NCAPD3: variants seen among roughly 807,000 people sequenced by gnomAD.
The protein encoded by NCAPD3 is condensin-2 complex subunit D3.
A neutral mutation model predicts 182.9 loss-of-function variants in NCAPD3; 105 were observed. The observed-to-expected ratio is 0.57, with a 90% CI of 0.49 to 0.68. The LOEUF (loss-of-function observed/expected upper bound fraction) is 0.68. NCAPD3 is among the 30% of genes least tolerant of loss of function. NCAPD3 has a pLI of 0.00. For missense variants in NCAPD3, 1,944 were observed against 1,837.0 expected (o/e 1.06, Z -1.07); for synonymous variants, 815 against 679.9 (o/e 1.20, Z -3.09).
intron 8 of NCAPD3, among the ~76,000 whole-genome samples, chr11:134,205,724 T>C (rs1009028022): frequency 6.6e-6 from 1 of 152,224 alleles, no homozygotes; most frequent in Non-Finnish European, 1.5e-5. Flanking sequence ...TTTTTAGTGA[T>C]GTTTATCTGT....
intron 13 of NCAPD3, among the ~76,000 whole-genome samples, chr11:134,197,760 C>T (rs1208699244): frequency 1.3e-5 from 2 of 152,156 alleles, no homozygotes; most frequent in Non-Finnish European, 2.9e-5. Context: ...TAAATTACAG[C>T]ATGGTAACAG....
intron 16 of NCAPD3, among the ~76,000 whole-genome samples, chr11:134,191,257 ATTTT>A (rs1233238861): frequency 6.6e-6 from 1 of 152,236 alleles, no homozygotes; most frequent in Non-Finnish European, 1.5e-5. Context: ...ATAAGACAAA[ATTTT>A]AAGCAACACT....
chr11:134,184,091 C>A (rs990655175), intron 19 of NCAPD3, among the ~76,000 whole-genome samples: 2 of 152,168 alleles, frequency 1.3e-5, no homozygotes, highest in Non-Finnish European at 2.9e-5. Flanking sequence ...TACCTCTCTG[C>A]CTCCCATAAA....
Position 134,172,680 on chromosome 11 carries a change from G to A in NCAPD3, c.3102-3626C>T, listed in dbSNP as rs143972935. ...TGTGATTACAAGGCCACCACCTATC[G>A]GGCAGACAGGAAGACAGATCATAGA... On this transcript the variant is annotated intron_variant, in intron 24 of 34. Transcript: ENST00000534548. Among the ~76,000 whole-genome samples, 1,009 of 152,150 alleles carry A rather than the reference G, an allele frequency of 6.6e-3. 3 individuals are homozygous for A. Among genetic ancestry groups the A allele is most frequent in the Non-Finnish European group, 8.9e-3 (603 of 67,992 alleles).
rs770672881 is a variant in NCAPD3, at chr11:134,204,217, G to A, written c.1090-46C>T. On this transcript the variant is annotated intron_variant, in intron 9 of 34. Transcript: ENST00000534548. This position sits in a 1 kb window ranked among gnomAD's most constrained non-coding sequence, Gnocchi z 4.3. ...TTGACCAACCAATATCCACCCGCAG[G>A]ATGGCTGAAACATATTCTGTAATAT... 4 of 1,600,642 alleles carry A rather than the reference G, an allele frequency of 2.5e-6. No homozygotes were observed. Among genetic ancestry groups the A allele is most frequent in the Non-Finnish European group, 3.4e-6 (4 of 1,172,238 alleles).
chr11:134,179,079 G>A lies in NCAPD3; in HGVS notation c.2560-143C>T, dbSNP rs552315492. On this transcript the variant is annotated intron_variant, in intron 20 of 34. Coordinates refer to ENST00000534548, the MANE Select transcript of NCAPD3 (RefSeq NM_015261.3). ...TAGTTTTCGTTTCATAAAAATACAT[G>A]GCTATTGTAAAAACTTAGTCACTAT... 423 of 615,288 alleles carry A rather than the reference G, an allele frequency of 6.9e-4. 1 individual carries two copies. Among genetic ancestry groups the A allele is most frequent in the Non-Finnish European group, 9.7e-4 (342 of 351,120 alleles). 38.1% of individuals were successfully genotyped at this position (615,288 alleles called of 1,614,324 possible).
At position 134,160,092 on chromosome 11, in the gene NCAPD3, G is replaced by A. The variant is rs1288676617; in HGVS notation, c.3685-18C>T. 1 of 1,610,914 alleles carries A rather than the reference G, an allele frequency of 6.2e-7. No individual in the cohort carries two copies. The highest frequency in any genetic ancestry group is 8.5e-7 in the Non-Finnish European group (1 of 1,178,288). On this transcript the variant is annotated intron_variant, in intron 28 of 34. Transcript: ENST00000534548. ...ATCACCTCCTGAAACAGAGCCAGGA[G>A]CATCCTTTCATGTTTTCTTGAATAA... is the stretch of plus-strand genomic sequence containing the variant.
chr11:134,195,573 A>T (rs543490515), intron 13 of NCAPD3, among the ~76,000 whole-genome samples: 1 of 152,310 alleles, frequency 6.6e-6, no homozygotes, highest in East Asian at 1.9e-4. Flanking sequence ...ATATTTTCCA[A>T]AACAAATAAA....
chr11:134,159,041 C>T (rs575610556), intron 29 of NCAPD3, among the ~76,000 whole-genome samples: 1 of 152,358 alleles, frequency 6.6e-6, no homozygotes, highest in South Asian at 2.1e-4. Context: ...ACTGTATATG[C>T]ACCCCATTTT....
Position 134,216,949 on chromosome 11 carries a change from T to C in NCAPD3, c.369A>G (p.Leu123=), listed in dbSNP as rs188472846. Residue 123 remains leucine (L), a synonymous_variant, in exon 3 of 35, where the codon CTA becomes CTG. Transcript: ENST00000534548. ...GLHAAGLYFL[L]LEVPGSVANQ... ...AGGTCTACATACCTGGTACTTCTAGTAGCAAAAAGTAAAGCCCAGCGGCAT... is the reference window on the plus strand; with the variant it reads ...AGGTCTACATACCTGGTACTTCTAGCAGCAAAAAGTAAAGCCCAGCGGCAT... 8 of 1,610,742 alleles carry C rather than the reference T, an allele frequency of 5.0e-6. No individual in the cohort carries two copies. The highest frequency in any genetic ancestry group is 1.1e-5 in the South Asian group (1 of 90,290).
intron 2 of NCAPD3, among the ~76,000 whole-genome samples, chr11:134,218,109 A>AGGG (rs1565560052): frequency 3.3e-5 from 2 of 59,744 alleles, no homozygotes; most frequent in Non-Finnish European, 6.8e-5. Flanking sequence ...AAAAAAAAAA[A>AGGG]AGGGGGGGGG....
intron 19 of NCAPD3, among the ~76,000 whole-genome samples, chr11:134,182,857 G>A (rs1218790173): frequency 1.3e-5 from 2 of 152,244 alleles, no homozygotes; most frequent in Non-Finnish European, 2.9e-5. Flanking sequence ...AAACAAGCGG[G>A]TCACATGGAT....
chr11:134,212,432 T>C lies in NCAPD3; in HGVS notation c.383-1978A>G, dbSNP rs544301884. Reference sequence around the variant, plus strand: ...GTGTTCCACTGGAGTCTGGATCTGTTGCCCAGGCTGAAGTACAGTGGCGTG... The same window carrying C: ...GTGTTCCACTGGAGTCTGGATCTGTCGCCCAGGCTGAAGTACAGTGGCGTG... On this transcript the variant is annotated intron_variant, in intron 3 of 34. Transcript: ENST00000534548. Among the ~76,000 whole-genome samples, 632 of 147,200 alleles carry C rather than the reference T, an allele frequency of 4.3e-3. 4 individuals carry two copies. The highest frequency in any genetic ancestry group is 0.015 in the African/African-American group (605 of 39,238).
In NCAPD3 at chr11:134,168,533, A is replaced by G. The variant is rs1254215841; in HGVS notation, c.3309T>C (p.Leu1103=). ...KERRMKIYKF[L]LEHFTDEQRF... ...GCTGTTCATCTGTGAAGTGCTCTAG[A>G]AGAAATTTGTAGATTTTCATTCGTC... Residue 1103 remains leucine (L), a synonymous_variant, in exon 26 of 35, where the codon CTT becomes CTC. Coordinates refer to ENST00000534548, the MANE Select transcript of NCAPD3 (RefSeq NM_015261.3). 1.9e-6 allele frequency: 3 copies of G among 1,614,206 alleles called. No homozygotes were observed. The highest frequency in any genetic ancestry group is 1.6e-4 in the Middle Eastern group (1 of 6,062).
At position 134,209,464 on chromosome 11, in the gene NCAPD3, A is replaced by G; in HGVS notation, c.581T>C (p.Ile194Thr). 2 of 1,611,028 alleles carry G rather than the reference A, an allele frequency of 1.2e-6. No homozygotes were observed. Among genetic ancestry groups the G allele is most frequent in the Non-Finnish European group, 1.7e-6 (2 of 1,178,876 alleles). The change falls in exon 5 of 35, where the codon ATA becomes ACA. Residue 194 changes from isoleucine (I) to threonine (T), a missense_variant. By Grantham distance (89) the Ile-to-Thr change is moderately conservative. Transcript: ENST00000534548. ...AATATTCTCATCTTCTTGTTCTTCTATAATTTCATCCATCTAGATTATGAA... is the reference window on the plus strand; with the variant it reads ...AATATTCTCATCTTCTTGTTCTTCTGTAATTTCATCCATCTAGATTATGAA... ...RREDIEMDEI[I>T]EEQEDENICF...
At position 134,151,233 on chromosome 11, in the gene NCAPD3, G is replaced by A. The variant is rs1943223364; in HGVS notation, c.*1711C>T. On this transcript the variant is annotated 3_prime_UTR_variant, in exon 35 of 35. Transcript: ENST00000534548. ...CATGAGACTGTGTTGACTTTTTTTAGTTATGTGAAACACTTTGCCGCAGGC... is the reference window on the plus strand; with the variant it reads ...CATGAGACTGTGTTGACTTTTTTTAATTATGTGAAACACTTTGCCGCAGGC... 6.6e-6 allele frequency: 1 copy of A among 152,084 alleles called. No individual in the cohort carries two copies. The highest frequency in any genetic ancestry group is 2.1e-4 in the South Asian group (1 of 4,826). The allele number at this position is 152,084 out of a possible 1,614,324, so 9.4% of individuals were successfully genotyped here.
At chr11:134,177,545 C>T in intron 22 of NCAPD3, 88 bp from the exon 23 acceptor site, 1 of 1,153,194 alleles carries the variant, frequency 8.7e-7, no homozygotes, top group Non-Finnish European at 1.2e-6. Context: ...TTGCTAATGG[C>T]TTCTATTTCA....
In NCAPD3 at chr11:134,178,687, A is replaced by T; in HGVS notation, c.2729T>A (p.Val910Asp). The change falls in exon 22 of 35, where the codon GTC (valine) becomes GAC (aspartate). Residue 910 changes from valine to aspartate, a missense_variant. This residue lies in a region of NCAPD3 where 1,803 missense variants were observed against 1,674.6 expected (regional missense o/e 1.08). Coordinates refer to ENST00000534548, the MANE Select transcript of NCAPD3 (RefSeq NM_015261.3). The part of the protein sequence containing the change: ...EAPASQPPPQ[V>D]RGSVMPSVIR... ...CACAGAGGGCATGACAGAACCTCTG[A>T]CCTGGGGGGGTGGCTGAGACGCTGG... 1 of 1,600,586 alleles carries T rather than the reference A, an allele frequency of 6.2e-7. No homozygotes were observed. Among genetic ancestry groups the T allele is most frequent in the African/African-American group, 1.3e-5 (1 of 74,800 alleles).
At chr11:134,200,406 A>G (rs1351621672) in intron 13 of NCAPD3, among the ~76,000 whole-genome samples, 3 of 152,204 alleles carry the variant, frequency 2.0e-5, no homozygotes, top group African/African-American at 7.2e-5. Flanking sequence ...CAATTAAAAA[A>G]TGGGCAAAGA....
Sources: gnomAD v4.1 joint callset for allele counts (sites outside exome capture counted in the v4.1 genomes callset) on GRCh38, gnomAD v4.1.1 for gene constraint, gnomAD v4.1.1 regional missense constraint, Gnocchi (gnomAD v3.1) non-coding constraint, MANE v1.5 for transcripts, NCBI Gene and HGNC (gene_info 2026-07-23, HGNC 2026-07-21) for gene names.